The following PFKP variants were observed in gnomAD, a reference collection of about 807,000 sequenced individuals.
The protein encoded by PFKP is ATP-dependent 6-phosphofructokinase, platelet type.
In PFKP, 101 loss-of-function variants were observed where a neutral mutation model predicts 94.3. The ratio of observed to expected loss-of-function variants is 1.07; its 90% CI spans 0.91 to 1.26. The LOEUF (loss-of-function observed/expected upper bound fraction) is 1.26, where lower values mean the gene tolerates loss of function less well. PFKP is among the 50% of genes most tolerant of loss of function. The pLI is 0.00. For synonymous variants in PFKP, 573 were observed against 432.6 expected (o/e 1.32, Z -4.03); for missense variants, 1,145 against 1,103.3 (o/e 1.04, Z -0.53).
intron 4 of PFKP, 41 bp downstream of exon 4, chr10:3,101,595 C>G (rs751891098): frequency 7.1e-7 from 1 of 1,405,668 alleles, no homozygotes; most frequent in Non-Finnish European, 9.5e-7. Flanking sequence ...GGTTTTCGCC[C>G]TGTTTCAGAG....
chr10:3,101,447 A>T lies in PFKP; in HGVS notation c.347A>T (p.Gln116Leu). 1 of 1,610,194 alleles carries T rather than the reference A, an allele frequency of 6.2e-7. No homozygotes were observed. Among genetic ancestry groups the T allele is most frequent in the Non-Finnish European group, 8.5e-7 (1 of 1,178,684 alleles). The change falls in exon 4 of 22, where the codon CAG becomes CTG. Residue 116 changes from glutamine to leucine, a missense_variant. By Grantham distance (113) the Gln-to-Leu change is moderately radical (BLOSUM62 -2). This residue lies in a region of PFKP where 1,119 missense variants were observed against 1,062.8 expected (regional missense o/e 1.05). Transcript: ENST00000381125. The stretch of plus-strand genomic sequence containing the variant: ...CTGAAGGCTGCTTGCAACCTGCTGC[A>T]GCGCGGCATCACCAACCTGTGTGTG... ...GRLKAACNLLQRGITNLCVIG... is the reference protein window; with the variant it reads ...GRLKAACNLLLRGITNLCVIG...
intron 13 of PFKP, among the ~76,000 whole-genome samples, chr10:3,115,538 TGCC>T (rs1209138008): frequency 2.8e-4 from 42 of 150,136 alleles, no homozygotes; most frequent in African/African-American, 9.3e-4. Context: ...GGATTGGGGA[TGCC>T]AGGGTGAAGG....
intron 1 of PFKP, among the ~76,000 whole-genome samples, chr10:3,077,401 G>T (rs1415919474): frequency 6.6e-6 from 1 of 150,808 alleles, no homozygotes; most frequent in Non-Finnish European, 1.5e-5. Flanking sequence ...AGCTGGGACT[G>T]CAGGCGCTCA....
chr10:3,098,214 C>G (rs561254200), intron 2 of PFKP, among the ~76,000 whole-genome samples: 12 of 152,208 alleles, frequency 7.9e-5, no homozygotes, highest in African/African-American at 2.9e-4. Flanking sequence ...GCTTATGGAT[C>G]CAACAATAAT....
In PFKP at chr10:3,120,020, C is replaced by T; in HGVS notation, c.1659C>T (p.Asp553=). 1 of 1,614,130 alleles carries T rather than the reference C, an allele frequency of 6.2e-7. No individual in the cohort carries two copies. The highest frequency in any genetic ancestry group is 8.5e-7 in the Non-Finnish European group (1 of 1,180,020). The change falls in exon 16 of 22, where the codon GAC becomes GAT. Residue 553 remains aspartate (D), a synonymous_variant. Transcript: ENST00000381125. ...VPGSDFSIGA[D]TALNTITDTC... is the part of the protein sequence containing the mutation. ...GTTCCGATTTCAGCATCGGGGCAGA[C>T]ACCGCCCTGAACACTATCACCGACG...
rs1297976956 is a variant in PFKP, at chr10:3,101,557, G to A, written c.454+3G>A. The A allele has an allele frequency of 2.0e-6, 3 of 1,528,696 alleles. No homozygotes were observed. The highest frequency in any genetic ancestry group is 2.6e-6 in the Non-Finnish European group (3 of 1,137,192). The allele number at this position is 1,528,696 out of a possible 1,614,324, so 94.7% of individuals were successfully genotyped here. On this transcript the variant is annotated splice_donor_region_variant and intron_variant, in intron 4 of 21. Transcript: ENST00000381125. ...GCTGGAGGAGCTGGCCAGGAACGGT[G>A]AGTGGACACCTGCTCCTCTGTCCTG...
chr10:3,078,819 T>G (rs929583403), intron 1 of PFKP, among the ~76,000 whole-genome samples: 3 of 152,124 alleles, frequency 2.0e-5, no homozygotes, highest in Admixed American at 2.0e-4. Context: ...GACGTCCTAC[T>G]GGGCCCCACC....
intron 14 of PFKP, among the ~76,000 whole-genome samples, chr10:3,118,371 G>C (rs868262762): frequency 2.6e-5 from 4 of 152,240 alleles, no homozygotes; most frequent in Middle Eastern, 3.4e-3. Flanking sequence ...GGGAGGCTGA[G>C]GCACGAGAAT....
chr10:3,136,196 CAG>C (rs1839295674), intron 21 of PFKP, among the ~76,000 whole-genome samples: 1 of 152,190 alleles, frequency 6.6e-6, no homozygotes, highest in Admixed American at 6.5e-5. Flanking sequence ...ACCCGGGAGG[CAG>C]AGGTTGCAGT....
chr10:3,134,309 ACTTTTT>A (rs771152269), intron 19 of PFKP, among the ~76,000 whole-genome samples, 168 bp from the exon 20 acceptor site: 3 of 152,222 alleles, frequency 2.0e-5, no homozygotes, highest in East Asian at 1.9e-4. Flanking sequence ...AACACTTGAT[ACTTTTT>A]CTTAACAGGC....
intron 16 of PFKP, among the ~76,000 whole-genome samples, chr10:3,127,055 C>T (rs1838032942): frequency 6.6e-6 from 1 of 152,402 alleles, no homozygotes; most frequent in Admixed American, 6.5e-5. Context: ...CAGGGCCGCG[C>T]TTGGGATCTG....
Position 3,103,838 on chromosome 10 carries a change from G to A in PFKP, c.514G>A (p.Gly172Ser). The change falls in exon 5 of 22, where the codon GGC becomes AGC. Residue 172 changes from glycine (G) to serine (S), a missense_variant. This residue lies in a region of PFKP where 1,119 missense variants were observed against 1,062.8 expected (regional missense o/e 1.05). Transcript: ENST00000381125. ...YAYLNVVGMV[G>S]SIDNDFCGTD... ...CTACCTCAACGTGGTGGGCATGGTG[G>A]GCTCCATCGACAATGATTTCTGCGG... The A allele has an allele frequency of 1.2e-6, 2 of 1,614,040 alleles. No homozygotes were observed. The highest frequency in any genetic ancestry group is 1.7e-6 in the Non-Finnish European group (2 of 1,180,034).
chr10:3,135,909 G>GT, intron 21 of PFKP, 71 bp downstream of exon 21: 1 of 888,484 alleles, frequency 1.1e-6, no homozygotes, highest in Non-Finnish European at 1.9e-6. Flanking sequence ...GGCCATTGCT[G>GT]TTGCTGTCGG....
At chr10:3,100,870 A>AAAAAAAAAAAAAT in intron 3 of PFKP, 1 of 1,069,574 alleles carries the variant, frequency 9.3e-7, no homozygotes, top group Non-Finnish European at 1.4e-6. Flanking sequence ...TGCAAAAAAA[A>AAAAAAAAAAAAAT]AAAAAAAAAA....
intron 4 of PFKP, among the ~76,000 whole-genome samples, chr10:3,102,211 A>C (rs1236954730): frequency 8.0e-6 from 1 of 125,112 alleles, no homozygotes; most frequent in African/African-American, 3.0e-5. Context: ...AGGTCCCGCC[A>C]CTGCACTCCA....
chr10:3,114,227 G>A (rs2131609772), intron 13 of PFKP, among the ~76,000 whole-genome samples: 1 of 151,102 alleles, frequency 6.6e-6, no homozygotes, highest in African/African-American at 2.4e-5. Context: ...TTGGCCCACT[G>A]CAGCCTCTGC....
intron 1 of PFKP, 52 bp from the exon 2 acceptor site, chr10:3,082,336 G>A (rs1833146526): frequency 5.0e-6 from 7 of 1,405,320 alleles, no homozygotes; most frequent in East Asian, 2.4e-5. Flanking sequence ...TAGTGGCAGA[G>A]CCAGAATTAC....
At chr10:3,114,039 A>G (rs1339046596) in intron 13 of PFKP, among the ~76,000 whole-genome samples, 1 of 134,160 alleles carries the variant, frequency 7.5e-6, no homozygotes, top group African/African-American at 2.7e-5. Flanking sequence ...AAACCGAGGC[A>G]TAGGGCTGGG....
At position 3,120,059 on chromosome 10, in the gene PFKP, G is replaced by T; in HGVS notation, c.1683+15G>T. On this transcript the variant is annotated intron_variant, in intron 16 of 21. Transcript: ENST00000381125. ...CTATCACCGACGTAAGTCCGTGTGC[G>T]CCCTGCCAGGCGGGCGCCGGCTGAC... is the stretch of plus-strand genomic sequence containing the variant. 6.2e-7 allele frequency: 1 copy of T among 1,613,018 alleles called. No individual in the cohort carries two copies. The highest frequency in any genetic ancestry group is 8.5e-7 in the Non-Finnish European group (1 of 1,179,668).
Sources: gnomAD v4.1 joint callset for allele counts (sites outside exome capture counted in the v4.1 genomes callset) on GRCh38, gnomAD v4.1.1 for gene constraint, gnomAD v4.1.1 regional missense constraint, MANE v1.5 for transcripts, NCBI Gene and HGNC (gene_info 2026-07-23, HGNC 2026-07-21) for gene names.